THSD7B: variants seen among roughly 807,000 people sequenced by gnomAD.
THSD7B encodes the protein thrombospondin type-1 domain-containing protein 7B.
In THSD7B, 138 loss-of-function variants were observed where a neutral mutation model predicts 213.6. The observed-to-expected ratio is 0.65, with a 90% CI of 0.56 to 0.74. The LOEUF (loss-of-function observed/expected upper bound fraction) is 0.74. THSD7B is among the 30% of genes least tolerant of loss of function. THSD7B has a pLI of 0.00. For missense variants in THSD7B, 1,931 were observed against 1,991.5 expected, an observed-to-expected ratio of 0.97 and a Z score of 0.58; for synonymous variants, 742 against 687.0, an observed-to-expected ratio of 1.08 and a Z score of -1.25.
chr2:136,880,125 A>G (rs1353961703), intron 1 of THSD7B, among the ~76,000 whole-genome samples: 3 of 152,174 alleles, frequency 2.0e-5, no homozygotes, highest in African/African-American at 7.2e-5. Context: ...CCTAATAGAC[A>G]TCTACAGAAC....
chr2:137,450,820 C>G, intron 14 of THSD7B, 25 bp from the exon 15 acceptor site: 1 of 1,541,846 alleles, frequency 6.5e-7, no homozygotes, highest in Non-Finnish European at 8.8e-7. Flanking sequence ...ATCAGACTTT[C>G]TTCTCTTAAA....
At chr2:137,655,993 A>G (rs1374424379) in intron 22 of THSD7B, among the ~76,000 whole-genome samples, 1 of 152,216 alleles carries the variant, frequency 6.6e-6, no homozygotes, top group East Asian at 1.9e-4. Flanking sequence ...CGTATCCAAC[A>G]GCACCTAGCA....
Position 137,464,748 on chromosome 2 carries a change from ATTAT to A in THSD7B, c.3138+13748_3138+13751del, listed in dbSNP as rs531702215. Among the ~76,000 whole-genome samples the A allele has an allele frequency of 2.7e-4, 41 of 152,006 alleles. No homozygotes were observed. In the South Asian group the frequency reaches 4.8e-3, roughly 18 times the overall value. On this transcript the variant is annotated intron_variant, in intron 15 of 27. Coordinates refer to ENST00000409968, the MANE Select transcript of THSD7B (RefSeq NM_001316349.2). The stretch of plus-strand genomic sequence containing the variant: ...AGCTGCTCAATTGACTGTTTAAAAA[ATTAT>A]TTATTTATTTATTTATTTATTTTAC...
At chr2:137,211,436 G>A (rs567167275) in intron 7 of THSD7B, among the ~76,000 whole-genome samples, 5 of 147,980 alleles carry the variant, frequency 3.4e-5, no homozygotes, top group Middle Eastern at 3.5e-3. Context: ...AATAAAGCCA[G>A]TGTTTTATGT....
At chr2:136,964,263 G>T (rs570411532) in intron 2 of THSD7B, among the ~76,000 whole-genome samples, 1 of 151,972 alleles carries the variant, frequency 6.6e-6, no homozygotes, top group Non-Finnish European at 1.5e-5. Context: ...AATCCTTTTA[G>T]GATTAGGAAA....
intron 2 of THSD7B, among the ~76,000 whole-genome samples, chr2:136,933,547 C>G (rs2105051227): frequency 6.6e-6 from 1 of 152,158 alleles, no homozygotes; most frequent in South Asian, 2.1e-4. Context: ...CCACTGCACT[C>G]CAACCTGGGT....
At chr2:136,870,497 A>G (rs1683414720) in intron 1 of THSD7B, among the ~76,000 whole-genome samples, 1 of 152,258 alleles carries the variant, frequency 6.6e-6, no homozygotes, top group Non-Finnish European at 1.5e-5. Flanking sequence ...CCAATATGCC[A>G]ATTTTAAGTA....
chr2:136,854,160 C>T (rs1019231325), intron 1 of THSD7B, among the ~76,000 whole-genome samples: 1 of 151,802 alleles, frequency 6.6e-6, no homozygotes, highest in Non-Finnish European at 1.5e-5. Flanking sequence ...TGCTTCTAGG[C>T]CCTCTTAGGA....
intron 15 of THSD7B, among the ~76,000 whole-genome samples, chr2:137,477,688 C>T (rs550276814): frequency 1.7e-4 from 26 of 151,664 alleles, no homozygotes; most frequent in East Asian, 3.9e-4. Context: ...TTTGTGTATT[C>T]GCTACACAAT....
At chr2:137,099,831 C>A (rs1166659784) in intron 4 of THSD7B, among the ~76,000 whole-genome samples, 2 of 152,126 alleles carry the variant, frequency 1.3e-5, no homozygotes, top group Non-Finnish European at 2.9e-5. Context: ...GAAAAGCCAA[C>A]GTGTAAAATA....
chr2:137,063,147 A>T (rs1687310084), intron 3 of THSD7B, among the ~76,000 whole-genome samples: 1 of 151,080 alleles, frequency 6.6e-6, no homozygotes, highest in Non-Finnish European at 1.5e-5. Context: ...GATTAATGCT[A>T]GCATAGTATA....
chr2:136,937,573 C>T (rs915248474), intron 2 of THSD7B, among the ~76,000 whole-genome samples: 8 of 152,076 alleles, frequency 5.3e-5, no homozygotes, highest in African/African-American at 1.9e-4. Flanking sequence ...ATGCTTGACC[C>T]ACACATATCC....
At chr2:136,946,395 A>T (rs1684938293) in intron 2 of THSD7B, among the ~76,000 whole-genome samples, 1 of 152,154 alleles carries the variant, frequency 6.6e-6, no homozygotes, top group East Asian at 1.9e-4. Context: ...CGTGTCAGTC[A>T]GCCCCTACTG....
chr2:137,113,980 T>G (rs1688399709), intron 4 of THSD7B, among the ~76,000 whole-genome samples: 1 of 152,218 alleles, frequency 6.6e-6, no homozygotes, highest in Admixed American at 6.5e-5. Flanking sequence ...TTTCAGGCTT[T>G]TTAGAATGAT....
intron 12 of THSD7B, among the ~76,000 whole-genome samples, chr2:137,347,725 A>G (rs1221603719): frequency 1.3e-5 from 2 of 151,290 alleles, no homozygotes; most frequent in African/African-American, 4.8e-5. Flanking sequence ...GGACTCTATG[A>G]TTGAGTTTGG....
chr2:137,316,674 C>A (rs377711013), intron 12 of THSD7B, among the ~76,000 whole-genome samples: 1 of 149,086 alleles, frequency 6.7e-6, no homozygotes, highest in African/African-American at 2.5e-5. Context: ...AGGAGAATGG[C>A]GTGAACCCTG....
At chr2:137,083,632 A>T (rs1350867769) in intron 3 of THSD7B, among the ~76,000 whole-genome samples, 2 of 152,128 alleles carry the variant, frequency 1.3e-5, no homozygotes, top group Non-Finnish European at 2.9e-5. Flanking sequence ...AATAGCATAC[A>T]TTCTGATTTC....
At chr2:137,446,897 T>C (rs560712662) in intron 14 of THSD7B, among the ~76,000 whole-genome samples, 3 of 152,196 alleles carry the variant, frequency 2.0e-5, no homozygotes, top group East Asian at 3.9e-4. Context: ...GAAATTAGAA[T>C]ATTTAAGTGG....
At chr2:136,869,080 T>A (rs577276407) in intron 1 of THSD7B, among the ~76,000 whole-genome samples, 4 of 152,326 alleles carry the variant, frequency 2.6e-5, no homozygotes, top group Non-Finnish European at 4.4e-5. Context: ...TGATTTAACT[T>A]CCTTTTTTTA....
Sources: gnomAD v4.1 joint callset for allele counts (sites outside exome capture counted in the v4.1 genomes callset) on GRCh38, gnomAD v4.1.1 for gene constraint, MANE v1.5 for transcripts, NCBI Gene and HGNC (gene_info 2026-07-23, HGNC 2026-07-21) for gene names.